Variants in ERN2 observed in about 807,000 individuals in gnomAD.
ERN2 encodes the protein endoplasmic reticulum to nucleus signaling 2.
Under a neutral mutation model 107.9 loss-of-function variants are expected in ERN2, and 111 were observed. The ratio of observed to expected loss-of-function variants is 1.03; its 90% CI spans 0.88 to 1.20. ERN2 has a LOEUF of 1.20. Ranked by LOEUF, ERN2 falls within the 50% of genes most tolerant of loss-of-function variation. The pLI is 0.00. For synonymous variants in ERN2, 524 were observed against 501.7 expected (o/e 1.04, Z -0.59); for missense variants, 1,225 against 1,197.9 (o/e 1.02, Z -0.33).
At chr16:23,705,265 G>T in intron 7 of ERN2, 118 bp from the exon 8 acceptor site, 1 of 1,127,282 alleles carries the variant, frequency 8.9e-7, no homozygotes, top group Non-Finnish European at 1.3e-6. Flanking sequence ...GGGTTATCTG[G>T]ACATGAGAAT....
chr16:23,696,474 G>A (rs922421281), intron 13 of ERN2, among the ~76,000 whole-genome samples: 2 of 152,218 alleles, frequency 1.3e-5, no homozygotes, highest in African/African-American at 4.8e-5. Flanking sequence ...AAGGTAAGGT[G>A]AGTTCTGGCA....
chr16:23,709,957 A>G (rs1960474899), intron 4 of ERN2: 9 of 543,020 alleles, frequency 1.7e-5, no homozygotes, highest in Admixed American at 6.7e-5. Flanking sequence ...GGATACCTCC[A>G]GCTTGATAGT....
Position 23,695,802 on chromosome 16 carries a change from G to A in ERN2, c.1610+92C>T, listed in dbSNP as rs559357748. 170 of 870,986 alleles carry A rather than the reference G, an allele frequency of 2.0e-4. 1 individual carries two copies. The South Asian group carries it at 2.0e-3, about 10-fold the overall frequency. The allele number at this position is 870,986 out of a possible 1,614,324, so 54.0% of individuals were successfully genotyped here. On this transcript the variant is annotated intron_variant, in intron 14 of 21. Coordinates refer to ENST00000256797, the MANE Select transcript of ERN2 (RefSeq NM_033266.4). ...TGAGGGATCAACCTGTACCCACCTC[G>A]GGGAGTCTTTGAAAGAATGTCTCTC...
chr16:23,702,265 C>G lies in ERN2; in HGVS notation c.1090G>C (p.Glu364Gln). Residue 364 changes from glutamate (E) to glutamine (Q), a missense_variant, in exon 11 of 22, where the codon GAG becomes CAG. Physicochemically the swap from Glu to Gln is conservative, Grantham distance 29. Transcript: ENST00000256797. Reference sequence around the variant, plus strand: ...GTGGTGTGCAGGACTGGGGGTAGCTCGTGGTGTCCTAAGGTGGGGGGCAAA... The same window carrying G: ...GTGGTGTGCAGGACTGGGGGTAGCTGGTGGTGTCCTAAGGTGGGGGGCAAA... ...PSQWLLIGHHELPPVLHTTML... is the reference protein window; with the variant it reads ...PSQWLLIGHHQLPPVLHTTML... The G allele has an allele frequency of 6.2e-7, 1 of 1,614,036 alleles. No individual in the cohort carries two copies. The highest frequency in any genetic ancestry group is 8.5e-7 in the Non-Finnish European group (1 of 1,180,000).
intron 11 of ERN2, 69 bp downstream of exon 11, chr16:23,702,083 G>A: frequency 6.6e-7 from 1 of 1,505,028 alleles, no homozygotes; most frequent in Non-Finnish European, 9.0e-7. Context: ...CCGAGGAAAA[G>A]ATCCAAGGGC....
Position 23,695,744 on chromosome 16 carries a change from A to T in ERN2, c.1610+150T>A, listed in dbSNP as rs1302482060. On this transcript the variant is annotated intron_variant, in intron 14 of 21. Transcript: ENST00000256797. The stretch of plus-strand genomic sequence containing the variant: ...ACTCAAAAAAAAAAAAAAAAAAAAA[A>T]AAACAGATAAAGGAAAGAGCAGGAC... 6.7e-6 allele frequency: 4 copies of T among 598,324 alleles called. No individual in the cohort carries two copies. The Admixed American group carries it at 1.2e-4, about 18-fold the overall frequency. 37.1% of individuals were successfully genotyped at this position (598,324 alleles called of 1,614,324 possible). A position where few individuals can be genotyped will look rare whatever the true frequency, so the allele number is the denominator to read the frequency against.
Position 23,694,940 on chromosome 16 carries a change from G to A in ERN2, c.1901-13C>T, listed in dbSNP as rs919003033. 1 of 1,614,070 alleles carries A rather than the reference G, an allele frequency of 6.2e-7. No homozygotes were observed. The highest frequency in any genetic ancestry group is 1.7e-4 in the Middle Eastern group (1 of 6,060). Reference sequence around the variant, plus strand: ...AGGTCCCGGTGCACTGTGGGAGAGGGGCAGAAAGAAAGCTGGTTGCTGAGG... The same window carrying A: ...AGGTCCCGGTGCACTGTGGGAGAGGAGCAGAAAGAAAGCTGGTTGCTGAGG... On this transcript the variant is annotated splice_polypyrimidine_tract_variant and intron_variant, in intron 16 of 21. Transcript: ENST00000256797.
At chr16:23,691,454 T>C in intron 19 of ERN2, 29 bp from the exon 20 acceptor site, 1 of 1,594,624 alleles carries the variant, frequency 6.3e-7, no homozygotes, top group Non-Finnish European at 8.5e-7. Context: ...CTGAGCCTTG[T>C]GACCGGGGCC....
chr16:23,699,822 TC>T (rs1959973352), intron 13 of ERN2, among the ~76,000 whole-genome samples: 1 of 152,214 alleles, frequency 6.6e-6, no homozygotes, highest in African/African-American at 2.4e-5. Flanking sequence ...TATTATTGTT[TC>T]CAAATATAAC....
chr16:23,710,686 C>G, intron 2 of ERN2, 137 bp from the exon 3 acceptor site: 1 of 1,068,346 alleles, frequency 9.4e-7, no homozygotes, highest in Non-Finnish European at 1.4e-6. Flanking sequence ...CCCAAAAACT[C>G]TGTCAGATAG....
Position 23,701,115 on chromosome 16 carries a change from C to T in ERN2, c.1204-1G>A. The T allele has an allele frequency of 6.2e-7, 1 of 1,612,948 alleles. No individual in the cohort carries two copies. The highest frequency in any genetic ancestry group is 8.5e-7 in the Non-Finnish European group (1 of 1,179,590). Reference sequence around the variant, plus strand: ...GTTTCTCTCGGCTCAGGCTCAATAGCTGGGGATAAAGGGCCCTTCACTTTT... The same window carrying T: ...GTTTCTCTCGGCTCAGGCTCAATAGTTGGGGATAAAGGGCCCTTCACTTTT... On this transcript the variant is annotated splice_acceptor_variant, in intron 11 of 21. Transcript: ENST00000256797. LOFTEE classifies it high-confidence loss of function.
At chr16:23,706,710 G>C in intron 6 of ERN2, 44 bp downstream of exon 6, 1 of 1,354,526 alleles carries the variant, frequency 7.4e-7, no homozygotes, top group Non-Finnish European at 1.0e-6. Context: ...AGAGCAAAAG[G>C]GGAGGCTGCC....
intron 1 of ERN2, 77 bp downstream of exon 1, chr16:23,713,018 C>G (rs1177791000): frequency 8.4e-7 from 1 of 1,189,552 alleles, no homozygotes. Context: ...CCGCCGCGCC[C>G]TCGCCCCAAG....
In ERN2 at chr16:23,702,508, A is replaced by T. The variant is rs1459031872; in HGVS notation, c.963T>A (p.Asp321Glu). Residue 321 changes from aspartate (D) to glutamate (E), a missense_variant, in exon 10 of 22, where the codon GAT becomes GAA. Transcript: ENST00000256797. ...GTGTCACCTCATCTGTGGTGGGGCC[A>T]TCTGCGGGGGCCAGGGTCAGTCCAC... is the stretch of plus-strand genomic sequence containing the variant. ...VPRGLTLAPA[D>E]GPTTDEVTLQ... The T allele has an allele frequency of 6.2e-7, 1 of 1,613,964 alleles. No individual in the cohort carries two copies. The highest frequency in any genetic ancestry group is 8.5e-7 in the Non-Finnish European group (1 of 1,180,022).
intron 13 of ERN2, 134 bp downstream of exon 13, chr16:23,700,405 T>C: frequency 1.2e-6 from 1 of 844,708 alleles, no homozygotes; most frequent in Admixed American, 2.4e-5. Context: ...CAGGCTCTAC[T>C]CAAAACACTC....
In ERN2 at chr16:23,713,212, G is replaced by C; in HGVS notation, c.-25C>G. The C allele has an allele frequency of 6.3e-7, 1 of 1,579,384 alleles. No homozygotes were observed. On this transcript the variant is annotated 5_prime_UTR_variant, in exon 1 of 22. Transcript: ENST00000256797. Reference sequence around the variant, plus strand: ...TAGCGCCTGGGCAGCTGCACGGCTGGCCAGGTCCCTGGGTGCCTCCAAGGG... The same window carrying C: ...TAGCGCCTGGGCAGCTGCACGGCTGCCCAGGTCCCTGGGTGCCTCCAAGGG...
chr16:23,711,076 C>A, intron 1 of ERN2, 58 bp from the exon 2 acceptor site: 2 of 1,219,086 alleles, frequency 1.6e-6, no homozygotes, highest in South Asian at 1.2e-5. Context: ...ACCCTTTGCT[C>A]CTGTCCCAAG....
At chr16:23,707,401 TG>T (rs1960364075) in intron 4 of ERN2, 1 of 352,228 alleles carries the variant, frequency 2.8e-6, no homozygotes, top group South Asian at 2.6e-5. Context: ...GCTCTCGGCC[TG>T]ACCTGACCAC....
Position 23,690,385 on chromosome 16 carries a change from G to C in ERN2, c.*446C>G, listed in dbSNP as rs552793768. 2.1e-5 allele frequency: 10 copies of C among 478,370 alleles called. No homozygotes were observed. The East Asian group carries it at 3.7e-4, about 17-fold the overall frequency. The allele number at this position is 478,370 out of a possible 1,614,324, so 29.6% of individuals were successfully genotyped here. A position where few individuals can be genotyped will look rare whatever the true frequency, so the allele number is the denominator to read the frequency against. ...GAATATTCTTTTTCTTGTATTTCCT[G>C]AGGGGTGCCAGGGCCTGGGATCCAG... On this transcript the variant is annotated 3_prime_UTR_variant, in exon 22 of 22. Coordinates refer to ENST00000256797, the MANE Select transcript of ERN2 (RefSeq NM_033266.4).
Sources: gnomAD v4.1 joint callset for allele counts (sites outside exome capture counted in the v4.1 genomes callset) on GRCh38, gnomAD v4.1.1 for gene constraint, MANE v1.5 for transcripts, NCBI Gene and HGNC (gene_info 2026-07-23, HGNC 2026-07-21) for gene names.